Variants in BMPR2 observed in about 807,000 individuals in gnomAD.
BMPR2 encodes bone morphogenetic protein receptor type-2.
Under a neutral mutation model 100.8 loss-of-function variants are expected in BMPR2, and 29 were observed. The observed-to-expected ratio is 0.29, with a 90% CI of 0.21 to 0.39. BMPR2 has a LOEUF of 0.39. BMPR2 is among the 10% of genes least tolerant of loss of function. The probability of loss-of-function intolerance (pLI) is 1.00; values close to 1 mark genes in which losing one functional copy is unlikely to be tolerated. For missense variants in BMPR2, 1,011 were observed against 1,274.5 expected, an observed-to-expected ratio of 0.79 and a Z score of 3.15; for synonymous variants, 382 against 442.3, an observed-to-expected ratio of 0.86 and a Z score of 1.71.
At chr2:202,511,040 T>G (rs1472482885) in intron 3 of BMPR2, among the ~76,000 whole-genome samples, 2 of 151,868 alleles carry the variant, frequency 1.3e-5, no homozygotes, top group Non-Finnish European at 2.9e-5. Context: ...TTAGTCATAT[T>G]AAAATGTACC....
Position 202,518,935 on chromosome 2 carries a change from C to T in BMPR2, c.735C>T (p.Asn245=), listed in dbSNP as rs1434527878. The change falls in exon 6 of 13, where the codon AAC becomes AAT. Residue 245 remains asparagine, a synonymous_variant. Transcript: ENST00000374580. ...GTCAGAATTTTATCAACGAAAAGAA[C>T]ATTTACAGAGTGCCTTTGATGGAAC... ...ANRQNFINEK[N]IYRVPLMEHD... is the part of the protein sequence containing the mutation. The T allele has an allele frequency of 6.2e-7, 1 of 1,614,156 alleles. No homozygotes were observed. Among genetic ancestry groups the T allele is most frequent in the Non-Finnish European group, 8.5e-7 (1 of 1,180,034 alleles).
In BMPR2 at chr2:202,542,175, G is replaced by C. The variant is rs921685184; in HGVS notation, c.1277-136G>C. 7.1e-6 allele frequency: 7 copies of C among 990,346 alleles called. No homozygotes were observed. The African/African-American group carries it at 1.1e-4, about 16-fold the overall frequency. 61.3% of individuals were successfully genotyped at this position (990,346 alleles called of 1,614,324 possible). ...AGGTCTCTTTAGGATTTCCAAATGT[G>C]CCTGAAGGGGATGAAAAAATAAAAA... On this transcript the variant is annotated intron_variant, in intron 9 of 12. Transcript: ENST00000374580.
chr2:202,561,421 A>G lies in BMPR2; in HGVS notation c.*1475A>G, dbSNP rs893424149. On this transcript the variant is annotated 3_prime_UTR_variant, in exon 13 of 13. Transcript: ENST00000374580. ...TTAAAAGCCCTTTGCTTCTTTCATT[A>G]CTTATAATCTCCTCTAAAACAACCT... 1.3e-5 allele frequency: 2 copies of G among 152,084 alleles called. No homozygotes were observed. The highest frequency in any genetic ancestry group is 2.4e-5 in the African/African-American group (1 of 41,428). 9.4% of individuals were successfully genotyped at this position (152,084 alleles called of 1,614,324 possible).
At chr2:202,399,596 A>C (rs1690724433) in intron 1 of BMPR2, among the ~76,000 whole-genome samples, 1 of 152,224 alleles carries the variant, frequency 6.6e-6, no homozygotes, top group African/African-American at 2.4e-5. Context: ...TCTAATTTTC[A>C]TTTTTCAAAG....
At chr2:202,457,013 TTTC>T (rs1326522967) in intron 1 of BMPR2, among the ~76,000 whole-genome samples, 1 of 152,138 alleles carries the variant, frequency 6.6e-6, no homozygotes, top group African/African-American at 2.4e-5. Flanking sequence ...TTTTCACTCC[TTTC>T]TTTTTTTTAA....
rs185978435 is a variant in BMPR2, at chr2:202,404,438, C to T, written c.76+26888C>T. 5.8e-3 allele frequency among the ~76,000 whole-genome samples: 881 copies of T among 152,206 alleles called. 4 individuals carry two copies. Among genetic ancestry groups the T allele is most frequent in the South Asian group, 0.016 (75 of 4,822 alleles). On this transcript the variant is annotated intron_variant, in intron 1 of 12. Coordinates refer to ENST00000374580, the MANE Select transcript of BMPR2 (RefSeq NM_001204.7). ...CTCGAGCTCCTGGCCTCAGGTGATT[C>T]GCCCGCCTTGGCCTCCCAAAATGCT... is the stretch of plus-strand genomic sequence containing the variant.
intron 9 of BMPR2, among the ~76,000 whole-genome samples, chr2:202,537,631 C>T (rs1176839121): frequency 1.3e-5 from 2 of 151,752 alleles, no homozygotes; most frequent in Non-Finnish European, 2.9e-5. Flanking sequence ...TACTTAATAC[C>T]ACAGAATGGT....
At chr2:202,510,985 T>G (rs1351547588) in intron 3 of BMPR2, among the ~76,000 whole-genome samples, 3 of 149,810 alleles carry the variant, frequency 2.0e-5, no homozygotes. Flanking sequence ...GGCTTTAGTT[T>G]TTTTTTTTTT....
intron 9 of BMPR2, among the ~76,000 whole-genome samples, chr2:202,536,533 T>C (rs947817608): frequency 9.9e-5 from 15 of 152,196 alleles, no homozygotes; most frequent in African/African-American, 3.1e-4. Context: ...AGAGATTCAA[T>C]TGAGGCATTT....
chr2:202,506,022 A>G (rs1231909344), intron 3 of BMPR2, among the ~76,000 whole-genome samples: 1 of 152,166 alleles, frequency 6.6e-6, no homozygotes, highest in Admixed American at 6.6e-5. Flanking sequence ...GAGTCTGGGA[A>G]GTCCGTGTCC....
intron 7 of BMPR2, among the ~76,000 whole-genome samples, chr2:202,523,496 G>A (rs1337851804): frequency 6.6e-6 from 1 of 152,100 alleles, no homozygotes; most frequent in African/African-American, 2.4e-5. Flanking sequence ...GTCAGTGGTG[G>A]ACTGGATATA....
chr2:202,534,244 TTTTATTTA>T lies in BMPR2; in HGVS notation c.1276+1536_1276+1543del, dbSNP rs202092877. Reference sequence around the variant, plus strand: ...GTGTATATATATATATAAATAAAATTTTTATTTATTTATTTATTTATTTATTTATTTTT... The same window carrying T: ...GTGTATATATATATATAAATAAAATTTTTATTTATTTATTTATTTATTTTT... On this transcript the variant is annotated intron_variant, in intron 9 of 12. Coordinates refer to ENST00000374580, the MANE Select transcript of BMPR2 (RefSeq NM_001204.7). Among the ~76,000 whole-genome samples the T allele has an allele frequency of 4.3e-4, 63 of 147,906 alleles. 1 individual carries two copies. Among genetic ancestry groups the T allele is most frequent in the East Asian group, 1.2e-3 (6 of 5,108 alleles).
chr2:202,480,953 T>TAAAAAAA (rs71035011), intron 3 of BMPR2, among the ~76,000 whole-genome samples: 21 of 43,354 alleles, frequency 4.8e-4, no homozygotes, highest in African/African-American at 1.8e-3. Flanking sequence ...AGACTCCGTC[T>TAAAAAAA]AAAAAAAAAA....
In BMPR2 at chr2:202,465,977, A is replaced by G. The variant is rs114705297; in HGVS notation, c.247+998A>G. 2.4e-3 allele frequency among the ~76,000 whole-genome samples: 367 copies of G among 152,372 alleles called. 1 individual carries two copies. Among genetic ancestry groups the G allele is most frequent in the Non-Finnish European group, 4.3e-3 (290 of 68,042 alleles). On this transcript the variant is annotated intron_variant, in intron 2 of 12. Coordinates refer to ENST00000374580, the MANE Select transcript of BMPR2 (RefSeq NM_001204.7). The stretch of plus-strand genomic sequence containing the variant: ...AAAACCTTTTTAACTTTTGCACAAC[A>G]TATCATTGTATATATGTATCATAGT...
intron 1 of BMPR2, among the ~76,000 whole-genome samples, chr2:202,407,342 C>G (rs538446774): frequency 5.0e-4 from 76 of 152,234 alleles, no homozygotes; most frequent in African/African-American, 1.7e-3. Context: ...CTTGGCCTCC[C>G]AAAGTGCTGG....
chr2:202,418,511 A>G (rs1691185861), intron 1 of BMPR2, among the ~76,000 whole-genome samples: 2 of 152,178 alleles, frequency 1.3e-5, no homozygotes, highest in African/African-American at 2.4e-5. Flanking sequence ...TCCTGAGAAC[A>G]TGTGTCCAAG....
At chr2:202,514,782 T>C in intron 4 of BMPR2, 106 bp from the exon 5 acceptor site, 1 of 904,850 alleles carries the variant, frequency 1.1e-6, no homozygotes, top group Non-Finnish European at 1.8e-6. Flanking sequence ...ATCTTGCTGC[T>C]AATCTTTCTG....
In BMPR2 at chr2:202,552,701, T is replaced by C; in HGVS notation, c.1414-15T>C. ...TTTTAAAGACACATGGTTTGACATGTACTTTGTCTTACAGGCAGTGAGGTC... is the reference window on the plus strand; with the variant it reads ...TTTTAAAGACACATGGTTTGACATGCACTTTGTCTTACAGGCAGTGAGGTC... On this transcript the variant is annotated splice_polypyrimidine_tract_variant and intron_variant, in intron 10 of 12. Coordinates refer to ENST00000374580, the MANE Select transcript of BMPR2 (RefSeq NM_001204.7). 1 of 1,613,978 alleles carries C rather than the reference T, an allele frequency of 6.2e-7. No individual in the cohort carries two copies. The highest frequency in any genetic ancestry group is 8.5e-7 in the Non-Finnish European group (1 of 1,179,844).
intron 3 of BMPR2, 52 bp from the exon 4 acceptor site, chr2:202,513,667 A>T (rs985351853): frequency 4.4e-6 from 6 of 1,378,162 alleles, no homozygotes; most frequent in Non-Finnish European, 6.2e-6. Flanking sequence ...TCAGTATTTA[A>T]CAAAATACTT....
Sources: gnomAD v4.1 joint callset for allele counts (sites outside exome capture counted in the v4.1 genomes callset) on GRCh38, gnomAD v4.1.1 for gene constraint, MANE v1.5 for transcripts, NCBI Gene and HGNC (gene_info 2026-07-23, HGNC 2026-07-21) for gene names.